The following PLCH2 variants were observed in gnomAD, a reference collection of about 807,000 sequenced individuals.
PLCH2 encodes phospholipase C eta 2.
PLCH2 carries 98 observed loss-of-function variants against 134.7 expected under a neutral mutation model. The ratio of observed to expected loss-of-function variants is 0.73; its 90% CI spans 0.62 to 0.86. The LOEUF (loss-of-function observed/expected upper bound fraction) is 0.86. Ranked by LOEUF, PLCH2 falls within the 40% of genes least tolerant of loss-of-function variation. The pLI is 0.00. For synonymous variants in PLCH2, 974 were observed against 827.5 expected (o/e 1.18, Z -3.04); for missense variants, 1,994 against 1,986.6 (o/e 1.00, Z -0.07).
At chr1:2,422,469 A>G (rs1429988033), upstream of PLCH2, among the ~76,000 whole-genome samples, 1 of 152,184 alleles carries the variant, frequency 6.6e-6, no homozygotes, top group African/African-American at 2.4e-5. Flanking sequence ...AAATCAGTGA[A>G]GAGATCTGGC....
rs1642470187 is a variant in PLCH2, at chr1:2,489,801, A to G, written c.1449A>G (p.Glu483=). ...CCAACATCAGCGAGGATGCGGAGGA[A>G]GGCGAGGTGTCTGATGAGGACAGTG... ...LPANISEDAE[E]GEVSDEDSAD... Residue 483 remains glutamate (E), a synonymous_variant, in exon 10 of 22, where the codon GAA becomes GAG. Transcript: ENST00000378486. 1.2e-6 allele frequency: 2 copies of G among 1,613,746 alleles called. No individual in the cohort carries two copies. Among genetic ancestry groups the G allele is most frequent in the Admixed American group, 1.7e-5 (1 of 60,032 alleles).
chr1:2,502,969 G>A (rs1458345607), intron 21 of PLCH2: 1 of 716,964 alleles, frequency 1.4e-6, no homozygotes, highest in Non-Finnish European at 2.6e-6. Context: ...CTGGGCCTGG[G>A]TCACCTGCTG....
chr1:2,447,307 ACT>A (rs1466017519), intron 2 of PLCH2, among the ~76,000 whole-genome samples: 1 of 152,034 alleles, frequency 6.6e-6, no homozygotes, highest in Non-Finnish European at 1.5e-5. Flanking sequence ...CTCCAGGACC[ACT>A]CTGCCTTCAG....
At chr1:2,479,622 G>A (rs1641839377) in intron 2 of PLCH2, 112 bp from the exon 3 acceptor site, 6 of 1,172,436 alleles carry the variant, frequency 5.1e-6, no homozygotes, top group Admixed American at 2.5e-5. Flanking sequence ...CGAGGGTCCC[G>A]CAAAGGTGGG....
chr1:2,466,878 G>A (rs566274398), upstream of PLCH2, among the ~76,000 whole-genome samples: 2 of 152,180 alleles, frequency 1.3e-5, no homozygotes, highest in Non-Finnish European at 2.9e-5. Flanking sequence ...ACAGGAAGGG[G>A]TGTAGCAGCA....
chr1:2,498,469 G>A lies in PLCH2; in HGVS notation c.2225-54G>A. On this transcript the variant is annotated intron_variant, in intron 16 of 21. Coordinates refer to ENST00000378486, the MANE Select transcript of PLCH2 (RefSeq NM_014638.4). The surrounding 1 kb of genome is among the most constrained non-coding windows in gnomAD (Gnocchi z 5.4). ...GCTGTTGGCAGCCATGCCCCAGCAA[G>A]CAGGGGGCTTGCTGAGGGCTGGGCC... The A allele has an allele frequency of 6.3e-7, 1 of 1,575,026 alleles. No individual in the cohort carries two copies. Among genetic ancestry groups the A allele is most frequent in the South Asian group, 1.2e-5 (1 of 86,636 alleles).
At chr1:2,442,240 C>T (rs903708372) in intron 2 of PLCH2, among the ~76,000 whole-genome samples, 11 of 152,252 alleles carry the variant, frequency 7.2e-5, no homozygotes, top group African/African-American at 2.2e-4. Context: ...AGGTCTATTC[C>T]TGGGGAAACT....
chr1:2,429,714 A>G (rs945479769), intron 1 of PLCH2, among the ~76,000 whole-genome samples: 1 of 152,196 alleles, frequency 6.6e-6, no homozygotes, highest in South Asian at 2.1e-4. Context: ...AAAGGGCTTG[A>G]GACCCTGGCC....
At chr1:2,421,891 T>C (rs1295015295), upstream of PLCH2, among the ~76,000 whole-genome samples, 2 of 151,886 alleles carry the variant, frequency 1.3e-5, no homozygotes, top group Non-Finnish European at 1.5e-5. Context: ...GGAGAATTGC[T>C]TGAACCTGGG....
At chr1:2,480,020 G>A (rs759414381) in intron 3 of PLCH2, 43 bp downstream of exon 3, 1 of 1,589,358 alleles carries the variant, frequency 6.3e-7, no homozygotes, top group Middle Eastern at 1.7e-4. Context: ...CCAGGGACCG[G>A]CCCCTTGGCT....
rs1026654068 is a variant in PLCH2 at position 2,503,966 on chromosome 1, A to T, written c.3004A>T (p.Ser1002Cys). The T allele has an allele frequency of 7.5e-6, 10 of 1,325,600 alleles. No individual in the cohort carries two copies. The highest frequency in any genetic ancestry group is 9.0e-6 in the Non-Finnish European group (9 of 1,005,432). The allele number at this position is 1,325,600 out of a possible 1,614,324, so 82.1% of individuals were successfully genotyped here. ...GCAGCGGCCACTCCCCCCACTGTGC[A>T]GCCTGGAAACCATCGCTGAGGAGCC... ...STQRPLPPLCSLETIAEEPAP... is the reference protein window; with the variant it reads ...STQRPLPPLCCLETIAEEPAP... The change falls in exon 22 of 22, where the codon AGC becomes TGC. Residue 1002 changes from serine to cysteine, a missense_variant. Ser to Cys is a moderately radical substitution (Grantham distance 112). This residue lies in a region of PLCH2 where 900 missense variants were observed against 752.3 expected (regional missense o/e 1.20). Transcript: ENST00000378486.
chr1:2,503,276 C>T (rs1570506389), intron 21 of PLCH2: 3 of 564,404 alleles, frequency 5.3e-6, no homozygotes, highest in Admixed American at 3.1e-5. Context: ...CTGCATGGCC[C>T]CTGATGCCTT....
intron 10 of PLCH2, 143 bp from the exon 11 acceptor site, chr1:2,491,049 G>A: frequency 1.3e-6 from 1 of 764,330 alleles, no homozygotes; most frequent in East Asian, 2.7e-5. Context: ...CGTCCTGCCT[G>A]TGGCTGCCTG....
intron 11 of PLCH2, 47 bp from the exon 12 acceptor site, chr1:2,494,809 G>C (rs41307848): frequency 0.026 from 35,954 of 1,396,546 alleles, 544 homozygotes; most frequent in Non-Finnish European, 0.03. Context: ...CTCCCTGCCT[G>C]GTTCAAGGCT....
chr1:2,488,453 G>A (rs960449789), intron 8 of PLCH2, among the ~76,000 whole-genome samples: 1 of 152,192 alleles, frequency 6.6e-6, no homozygotes, highest in Non-Finnish European at 1.5e-5. Flanking sequence ...TGGGCTTCAG[G>A]CCTCAGTTTC....
At position 2,496,452 on chromosome 1, in the gene PLCH2, C is replaced by T. The variant is rs541437845; in HGVS notation, c.1836-155C>T. Among the ~76,000 whole-genome samples, 10 of 152,370 alleles carry T rather than the reference C, an allele frequency of 6.6e-5. No individual in the cohort carries two copies. In the East Asian group the frequency reaches 1.3e-3, roughly 21 times the overall value. ...ACATCCTGCCCAGCACTCAGGTTTC[C>T]GCAGCCCGCGGCCCAGTCTGGCGTC... On this transcript the variant is annotated intron_variant, in intron 13 of 21. Transcript: ENST00000378486.
chr1:2,477,455 C>T (rs1297311970), intron 1 of PLCH2, among the ~76,000 whole-genome samples: 4 of 152,222 alleles, frequency 2.6e-5, no homozygotes, highest in African/African-American at 7.2e-5. Context: ...TCCTCTACAA[C>T]GCCCCCGCCA....
In PLCH2 at chr1:2,448,678, C is replaced by T. The variant is rs758551040; in HGVS notation, c.115+18049C>T. ...CGCCCGAGGCAGGCCCTGGAGCTCACGCTGCTGAGGTCCCACAGGCCCCCT... is the reference window on the plus strand; with the variant it reads ...CGCCCGAGGCAGGCCCTGGAGCTCATGCTGCTGAGGTCCCACAGGCCCCCT... On this transcript the variant is annotated intron_variant, in intron 2 of 3. Transcript: ENST00000609981. This position sits in a 1 kb window ranked among gnomAD's most constrained non-coding sequence, Gnocchi z 4.0. Among the ~76,000 whole-genome samples, 36 of 152,134 alleles carry T rather than the reference C, an allele frequency of 2.4e-4. No homozygotes were observed. Among genetic ancestry groups the T allele is most frequent in the Middle Eastern group, 3.4e-3 (1 of 294 alleles).
Position 2,504,341 on chromosome 1 carries a change from A to T in PLCH2, c.3379A>T (p.Ser1127Cys). The change falls in exon 22 of 22, where the codon AGT becomes TGT. Residue 1127 changes from serine to cysteine, a missense_variant. Transcript: ENST00000378486. ...APAVYSDATGSDPLWQRLEPC... is the reference protein window; with the variant it reads ...APAVYSDATGCDPLWQRLEPC... ...TGCCGTGTACTCCGATGCCACGGGCAGTGACCCGCTGTGGCAGCGGCTGGA... is the reference window on the plus strand; with the variant it reads ...TGCCGTGTACTCCGATGCCACGGGCTGTGACCCGCTGTGGCAGCGGCTGGA... The T allele has an allele frequency of 3.1e-6, 5 of 1,610,894 alleles. No individual in the cohort carries two copies. The highest frequency in any genetic ancestry group is 4.2e-6 in the Non-Finnish European group (5 of 1,179,462).
Sources: gnomAD v4.1 joint callset for allele counts (sites outside exome capture counted in the v4.1 genomes callset) on GRCh38, gnomAD v4.1.1 for gene constraint, gnomAD v4.1.1 regional missense constraint, Gnocchi (gnomAD v3.1) non-coding constraint, MANE v1.5 for transcripts, NCBI Gene and HGNC (gene_info 2026-07-23, HGNC 2026-07-21) for gene names.